Variants in NPAS3 observed in about 807,000 individuals in gnomAD.
NPAS3 encodes neuronal PAS domain protein 3, also known as neuronal PAS domain-containing protein 3.
In NPAS3, 14 loss-of-function variants were observed where a neutral mutation model predicts 73.1. The observed-to-expected ratio is 0.19, with a 90% CI of 0.13 to 0.30. The LOEUF is 0.30. NPAS3 is among the 10% of genes least tolerant of loss of function. The pLI is 1.00. For missense variants in NPAS3, 1,096 were observed against 1,250.0 expected, an observed-to-expected ratio of 0.88 and a Z score of 1.86; for synonymous variants, 620 against 541.5, an observed-to-expected ratio of 1.14 and a Z score of -2.01.
At chr14:33,628,440 C>CT (rs1202558684) in intron 5 of NPAS3, among the ~76,000 whole-genome samples, 1 of 152,174 alleles carries the variant, frequency 6.6e-6, no homozygotes, top group Non-Finnish European at 1.5e-5. Context: ...AATTGTGGAT[C>CT]AATTGTGCCA....
chr14:33,542,623 A>G (rs898811796), intron 4 of NPAS3, among the ~76,000 whole-genome samples: 1 of 152,214 alleles, frequency 6.6e-6, no homozygotes, highest in Non-Finnish European at 1.5e-5. Flanking sequence ...TGAGATCTAA[A>G]CAGTGCCAGA....
At chr14:33,043,080 C>T (rs1475573902) in intron 1 of NPAS3, among the ~76,000 whole-genome samples, 1 of 152,122 alleles carries the variant, frequency 6.6e-6, no homozygotes, top group African/African-American at 2.4e-5. Context: ...AATTGCCACA[C>T]TGAAAGTTAA....
At chr14:33,642,410 A>C (rs2058699207) in intron 5 of NPAS3, among the ~76,000 whole-genome samples, 1 of 152,252 alleles carries the variant, frequency 6.6e-6, no homozygotes, top group South Asian at 2.1e-4. Context: ...ATAAGAAGAC[A>C]GAGAGGAATG....
intron 1 of NPAS3, among the ~76,000 whole-genome samples, chr14:32,989,872 A>G (rs1310915343): frequency 6.6e-6 from 1 of 152,160 alleles, no homozygotes; most frequent in African/African-American, 2.4e-5. Flanking sequence ...GATTCACGGA[A>G]GGAGATATCA....
chr14:33,521,444 G>T (rs766571004), intron 4 of NPAS3, among the ~76,000 whole-genome samples: 2 of 151,266 alleles, frequency 1.3e-5, no homozygotes, highest in African/African-American at 4.9e-5. Flanking sequence ...TGCCCTGAGG[G>T]CTGAGTGCTA....
intron 1 of NPAS3, among the ~76,000 whole-genome samples, chr14:33,009,133 T>C (rs1472687428): frequency 6.6e-6 from 1 of 152,214 alleles, no homozygotes; most frequent in Non-Finnish European, 1.5e-5. Context: ...AAGTATTTCT[T>C]GAGGGCCGAC....
At chr14:33,653,625 T>C (rs1426589025) in intron 5 of NPAS3, among the ~76,000 whole-genome samples, 1 of 152,262 alleles carries the variant, frequency 6.6e-6, no homozygotes, top group Non-Finnish European at 1.5e-5. Flanking sequence ...TGTTTCTCTC[T>C]TTCTGTCAGA....
At chr14:33,342,616 C>G (rs1040603556) in intron 3 of NPAS3, among the ~76,000 whole-genome samples, 2 of 152,158 alleles carry the variant, frequency 1.3e-5, no homozygotes, top group African/African-American at 4.8e-5. Context: ...GTGTGTTTTT[C>G]ATAAAGTGTT....
intron 3 of NPAS3, among the ~76,000 whole-genome samples, chr14:33,247,701 A>G (rs1380227393): frequency 6.6e-6 from 1 of 152,234 alleles, no homozygotes; most frequent in African/African-American, 2.4e-5. Flanking sequence ...TTTAACTTCA[A>G]ACATAACCTT....
At chr14:33,352,061 G>A (rs574481065) in intron 3 of NPAS3, among the ~76,000 whole-genome samples, 7 of 152,106 alleles carry the variant, frequency 4.6e-5, no homozygotes, top group East Asian at 1.9e-4. Context: ...AAACATCTGC[G>A]GTTTAAAAAA....
chr14:33,340,365 G>A (rs2044416517), intron 3 of NPAS3, among the ~76,000 whole-genome samples: 1 of 152,084 alleles, frequency 6.6e-6, no homozygotes, highest in Non-Finnish European at 1.5e-5. Context: ...TGTGGTGGTG[G>A]GCGCCTGTAA....
chr14:33,277,582 C>G (rs2041394092), intron 3 of NPAS3, among the ~76,000 whole-genome samples: 1 of 152,048 alleles, frequency 6.6e-6, no homozygotes, highest in Non-Finnish European at 1.5e-5. Context: ...GATGGGATGC[C>G]AAATGTTTAG....
chr14:33,588,895 A>G (rs2056963598), intron 5 of NPAS3, among the ~76,000 whole-genome samples: 1 of 152,174 alleles, frequency 6.6e-6, no homozygotes. Context: ...TTCTAGAATT[A>G]CAGGTGTGAG....
chr14:33,400,822 G>A (rs1448956832), intron 4 of NPAS3, among the ~76,000 whole-genome samples: 1 of 151,952 alleles, frequency 6.6e-6, no homozygotes, highest in Non-Finnish European at 1.5e-5. Flanking sequence ...GTGTGTGTAT[G>A]TGTGTTTGCC....
At chr14:33,492,836 T>A (rs573557634) in intron 4 of NPAS3, among the ~76,000 whole-genome samples, 1 of 152,278 alleles carries the variant, frequency 6.6e-6, no homozygotes, top group South Asian at 2.1e-4. Flanking sequence ...ACCATGGCAA[T>A]GATGGCAGGC....
intron 2 of NPAS3, among the ~76,000 whole-genome samples, chr14:33,120,873 C>T (rs951718620): frequency 7.2e-5 from 11 of 152,038 alleles, no homozygotes; most frequent in Admixed American, 2.6e-4. Flanking sequence ...AGTAGCAGGA[C>T]GCCTTAGCAC....
chr14:33,059,058 C>A (rs965646031), intron 2 of NPAS3, among the ~76,000 whole-genome samples: 3 of 152,158 alleles, frequency 2.0e-5, no homozygotes. Context: ...TTAGTTCTGG[C>A]CTCACGTTAG....
intron 5 of NPAS3, among the ~76,000 whole-genome samples, chr14:33,651,669 T>C (rs1025908321): frequency 2.0e-5 from 3 of 152,108 alleles, no homozygotes; most frequent in African/African-American, 7.2e-5. Context: ...TTTCCTCTAT[T>C]TGTACATTAA....
chr14:33,729,371 A>T (rs1208189700), intron 6 of NPAS3, among the ~76,000 whole-genome samples: 1 of 152,196 alleles, frequency 6.6e-6, no homozygotes, highest in African/African-American at 2.4e-5. Context: ...CATTAATGCT[A>T]TATGAGTTGT....
Sources: gnomAD v4.1 joint callset for allele counts (sites outside exome capture counted in the v4.1 genomes callset) on GRCh38, gnomAD v4.1.1 for gene constraint, MANE v1.5 for transcripts, NCBI Gene and HGNC (gene_info 2026-07-23, HGNC 2026-07-21) for gene names.